The following IAH1 variants were observed in gnomAD, a reference collection of about 807,000 sequenced individuals.
IAH1 encodes isoamyl acetate hydrolyzing esterase 1 (putative).
A neutral mutation model predicts 26.7 loss-of-function variants in IAH1; 24 were observed. The ratio of observed to expected loss-of-function variants is 0.90; its 90% CI spans 0.65 to 1.26. The LOEUF (loss-of-function observed/expected upper bound fraction) is 1.26, where lower values mean the gene tolerates loss of function less well. IAH1 is among the 50% of genes most tolerant of loss of function. IAH1 has a pLI of 0.00. For missense variants in IAH1, 300 were observed against 299.9 expected, an observed-to-expected ratio of 1.00 and a Z score of 0.00; for synonymous variants, 140 against 118.5, an observed-to-expected ratio of 1.18 and a Z score of -1.18.
chr2:9,487,759 A>G (rs903126657), intron 5 of IAH1, among the ~76,000 whole-genome samples: 1 of 151,740 alleles, frequency 6.6e-6, no homozygotes, highest in African/African-American at 2.4e-5. Context: ...TGGCATTTAG[A>G]AAAGTTATAC....
the IAH1 span, chr2:9,506,884 T>C: frequency 6.6e-6 from 1 of 152,176 alleles, no homozygotes; most frequent in Admixed American, 6.5e-5. Context: ...GCACTAACGA[T>C]AAAAGGACCA....
chr2:9,497,268 A>G (rs778380407), downstream of IAH1: 5 of 1,613,436 alleles, frequency 3.1e-6, no homozygotes, highest in East Asian at 4.5e-5. Flanking sequence ...AACACCAGTC[A>G]TAACAAAAAG....
At chr2:9,490,456 C>T (rs746436310), downstream of IAH1, 59 of 1,613,826 alleles carry the variant, frequency 3.7e-5, 1 homozygote, top group African/African-American at 5.3e-5. Context: ...GAGTCTGGGG[C>T]GCAGGAAAGG....
At chr2:9,478,758 C>T (rs1291974323) in intron 3 of IAH1, among the ~76,000 whole-genome samples, 2 of 152,120 alleles carry the variant, frequency 1.3e-5, no homozygotes, top group African/African-American at 4.8e-5. Flanking sequence ...GCAGCAGCCA[C>T]CCTGACCTCA....
intron 2 of IAH1, 115 bp from the exon 3 acceptor site, chr2:9,478,107 C>T: frequency 1.1e-6 from 1 of 875,510 alleles, no homozygotes; most frequent in Non-Finnish European, 1.7e-6. Context: ...GGGGGTGGCT[C>T]AGAGACACGT....
the IAH1 span, chr2:9,512,406 G>A: frequency 1.3e-5 from 2 of 152,322 alleles, no homozygotes; most frequent in East Asian, 1.9e-4. Context: ...GTGAGCTACT[G>A]TACACACATG....
At chr2:9,493,752 G>A, downstream of IAH1, 3 of 1,613,420 alleles carry the variant, frequency 1.9e-6, no homozygotes, top group Non-Finnish European at 2.5e-6. Flanking sequence ...CCTACCAAAA[G>A]TATTGATGCT....
At chr2:9,500,021 T>C (rs148326278), downstream of IAH1, among the ~76,000 whole-genome samples, 479 of 152,290 alleles carry the variant, frequency 3.1e-3, 4 homozygotes, top group African/African-American at 0.011. Flanking sequence ...AGATTAAGCA[T>C]AGTTACCACA....
chr2:9,475,763 A>G (rs1572827593), intron 1 of IAH1: 2 of 581,388 alleles, frequency 3.4e-6, no homozygotes, highest in East Asian at 5.8e-5. Context: ...GGCCTCCCAA[A>G]GTGCTGGGAA....
the IAH1 span, among the ~76,000 whole-genome samples, chr2:9,508,609 C>T: frequency 1.3e-5 from 2 of 152,160 alleles, no homozygotes; most frequent in Non-Finnish European, 2.9e-5. Context: ...CCATCACAGG[C>T]AAACATTATT....
At chr2:9,499,776 A>G (rs762341118), downstream of IAH1, among the ~76,000 whole-genome samples, 5 of 152,220 alleles carry the variant, frequency 3.3e-5, no homozygotes, top group Admixed American at 6.5e-5. Context: ...GCAACATGTC[A>G]TACTATGCAC....
At chr2:9,492,697 C>T (rs541584620), downstream of IAH1, among the ~76,000 whole-genome samples, 37 of 152,180 alleles carry the variant, frequency 2.4e-4, no homozygotes, top group Admixed American at 2.1e-3. Flanking sequence ...CACCAACACA[C>T]AAAAATAGTA....
At chr2:9,474,303 G>A (rs1305144584), upstream of IAH1, among the ~76,000 whole-genome samples, 2 of 152,192 alleles carry the variant, frequency 1.3e-5, no homozygotes, top group Admixed American at 1.3e-4. The surrounding 1 kb of genome is among the most constrained non-coding windows in gnomAD (Gnocchi z 4.3). Context: ...CGCGGGGTGG[G>A]CTTAGAAGGG....
At chr2:9,494,523 GA>G (rs1662411288), downstream of IAH1, 11 of 1,243,708 alleles carry the variant, frequency 8.8e-6, no homozygotes, top group Admixed American at 2.1e-4. Flanking sequence ...CAATGGGCCA[GA>G]AGGATGTAGC....
At chr2:9,490,057 A>C, downstream of IAH1, 1 of 966,180 alleles carries the variant, frequency 1.0e-6, no homozygotes, top group Non-Finnish European at 1.5e-6. Flanking sequence ...AAGTTCAAAC[A>C]CATGACCAGC....
the IAH1 span, among the ~76,000 whole-genome samples, chr2:9,503,032 C>T: frequency 6.7e-6 from 1 of 149,916 alleles, no homozygotes; most frequent in Admixed American, 6.7e-5. Flanking sequence ...CCCAGCTACT[C>T]GGGAGGCTAA....
chr2:9,487,084 TTAGCCAGG>T (rs1198254451), intron 5 of IAH1, among the ~76,000 whole-genome samples: 10 of 152,032 alleles, frequency 6.6e-5, no homozygotes, highest in African/African-American at 2.2e-4. Context: ...AGCACAAAAA[TTAGCCAGG>T]TAGCCAGGTA....
chr2:9,493,792 C>T, downstream of IAH1: 2 of 1,614,028 alleles, frequency 1.2e-6, no homozygotes, highest in Non-Finnish European at 1.7e-6. Context: ...CAAAATCGTT[C>T]AATTACATCC....
rs775555542 is a variant in IAH1 at position 9,481,776 on chromosome 2, GC to G, written c.445+330del. On this transcript the variant is annotated intron_variant, in intron 4 of 5. Transcript: ENST00000497473. The stretch of plus-strand genomic sequence containing the variant: ...GAGCTGTGGTGCTCGGCCTGCGGGG[GC>G]TGATGCTGATGTGCCTTGACTTGGA... Among the ~76,000 whole-genome samples, 9 of 144,746 alleles carry G rather than the reference GC, an allele frequency of 6.2e-5. No homozygotes were observed. The South Asian group carries it at 1.3e-3, about 22-fold the overall frequency. The allele number at this position is 144,746 out of a possible 152,430, so 95.0% of individuals were successfully genotyped here. A position where few individuals can be genotyped will look rare whatever the true frequency, so the allele number is the denominator to read the frequency against.
Sources: gnomAD v4.1 joint callset for allele counts (sites outside exome capture counted in the v4.1 genomes callset) on GRCh38, gnomAD v4.1.1 for gene constraint, Gnocchi (gnomAD v3.1) non-coding constraint, MANE v1.5 for transcripts, NCBI Gene and HGNC (gene_info 2026-07-23, HGNC 2026-07-21) for gene names.